Variants in SPAG17 observed in about 807,000 individuals in gnomAD.
SPAG17 encodes the protein sperm associated antigen 17.
SPAG17 carries 169 observed loss-of-function variants against 273.6 expected under a neutral mutation model. The observed-to-expected ratio is 0.62, with a 90% CI of 0.55 to 0.70. The LOEUF is 0.70. SPAG17 is among the 30% of genes least tolerant of loss of function. The pLI is 0.00. For synonymous variants in SPAG17, 825 were observed against 873.2 expected (o/e 0.94, Z 0.97); for missense variants, 2,557 against 2,627.8 (o/e 0.97, Z 0.59).
At chr1:118,122,170 T>C (rs1657462180) in intron 3 of SPAG17, among the ~76,000 whole-genome samples, 1 of 152,070 alleles carries the variant, frequency 6.6e-6, no homozygotes, top group Non-Finnish European at 1.5e-5. Context: ...TGTGTGTGTG[T>C]GTGTGTGTGT....
At chr1:118,005,377 C>G (rs765927018) in intron 32 of SPAG17, 37 bp downstream of exon 32, 7 of 1,518,848 alleles carry the variant, frequency 4.6e-6, no homozygotes, top group Non-Finnish European at 4.4e-6. Context: ...AAAAGCAAAG[C>G]CACAGGCTCT....
chr1:117,984,597 A>T (rs1656197596), intron 41 of SPAG17, 86 bp downstream of exon 41: 3 of 841,238 alleles, frequency 3.6e-6, no homozygotes, highest in Non-Finnish European at 5.7e-6. Context: ...AAACAGCATC[A>T]GGAAAGACAG....
At chr1:118,031,177 C>CTTTTTT (rs1015324627) in intron 25 of SPAG17, among the ~76,000 whole-genome samples, 10 of 54,912 alleles carry the variant, frequency 1.8e-4, no homozygotes, top group African/African-American at 3.2e-4. Flanking sequence ...GAGGACTACT[C>CTTTTTT]TTTTTTTTTT....
In SPAG17 at chr1:118,044,257, C is replaced by A. The variant is rs190650445; in HGVS notation, c.2815-2215G>T. On this transcript the variant is annotated intron_variant, in intron 20 of 48. Coordinates refer to ENST00000336338, the MANE Select transcript of SPAG17 (RefSeq NM_206996.4). ...AACTGTCCACTTTGGGAGGCCAAGG[C>A]GGGTGGATCACAAGGTCAGGAGTTC... Among the ~76,000 whole-genome samples, 211 of 152,146 alleles carry A rather than the reference C, an allele frequency of 1.4e-3. 5 individuals carry two copies. In the South Asian group the frequency reaches 0.025, roughly 18 times the overall value.
chr1:117,961,320 T>G (rs1170414351), intron 48 of SPAG17: 1 of 152,098 alleles, frequency 6.6e-6, no homozygotes, highest in African/African-American at 2.4e-5. Flanking sequence ...TGTATAACAG[T>G]GGAGCCAAGT....
chr1:118,152,637 C>T (rs1659449265), intron 1 of SPAG17, among the ~76,000 whole-genome samples: 1 of 152,078 alleles, frequency 6.6e-6, no homozygotes, highest in East Asian at 1.9e-4. Flanking sequence ...GTATATTTTA[C>T]TTGCAAAGTG....
chr1:117,956,634 GA>G (rs1294353102), intron 48 of SPAG17, among the ~76,000 whole-genome samples: 1 of 152,100 alleles, frequency 6.6e-6, no homozygotes, highest in Non-Finnish European at 1.5e-5. Context: ...GCTAGTTCTA[GA>G]GGGAACTATT....
chr1:118,083,813 AG>A (rs1377070011), intron 13 of SPAG17, among the ~76,000 whole-genome samples: 1 of 152,108 alleles, frequency 6.6e-6, no homozygotes, highest in Non-Finnish European at 1.5e-5. Context: ...CAGAGACAGC[AG>A]GGATGACTCC....
At chr1:118,083,523 G>A (rs1006127522) in intron 13 of SPAG17, among the ~76,000 whole-genome samples, 2 of 151,740 alleles carry the variant, frequency 1.3e-5, no homozygotes, top group East Asian at 1.9e-4. Context: ...GCGGTGGCTC[G>A]CTCCTGTAAT....
Position 118,136,619 on chromosome 1 carries a change from A to G in SPAG17, c.315+13924T>C, listed in dbSNP as rs567377198. Among the ~76,000 whole-genome samples, 21 of 152,246 alleles carry G rather than the reference A, an allele frequency of 1.4e-4. No homozygotes were observed. The East Asian group carries it at 3.5e-3, about 25-fold the overall frequency. On this transcript the variant is annotated intron_variant, in intron 3 of 48. Coordinates refer to ENST00000336338, the MANE Select transcript of SPAG17 (RefSeq NM_206996.4). The stretch of plus-strand genomic sequence containing the variant: ...CGGCAACTGCCTTCTCCACCTACAC[A>G]CAGGGCGGGCCTGCATGCATAAAAC...
At chr1:117,975,686 A>G (rs74114954) in intron 43 of SPAG17, among the ~76,000 whole-genome samples, 5,163 of 152,268 alleles carry the variant, frequency 0.034, 274 homozygotes, top group African/African-American at 0.12. Flanking sequence ...GTAAAGCCCT[A>G]TTCCTGACCA....
In SPAG17 at chr1:118,102,069, A is replaced by G. The variant is rs977505954; in HGVS notation, c.448-143T>C. 9 of 730,278 alleles carry G rather than the reference A, an allele frequency of 1.2e-5. No homozygotes were observed. The Admixed American group carries it at 2.6e-4, about 21-fold the overall frequency. 45.2% of individuals were successfully genotyped at this position (730,278 alleles called of 1,614,324 possible). ...AGGTATTCATTATATAAGTCAGCAT[A>G]GTGGAGATTCCAGCTTGAGACTAAG... On this transcript the variant is annotated intron_variant, in intron 4 of 48. Coordinates refer to ENST00000336338, the MANE Select transcript of SPAG17 (RefSeq NM_206996.4).
chr1:117,983,903 A>C lies in SPAG17; in HGVS notation c.5780T>G (p.Leu1927Arg). ...NQLYQSQYNH[L>R]DSLSKKLPSF... is the part of the protein sequence containing the mutation. ...AGGCAGTTTTTTGGAAAGACTGTCC[A>C]GGTGATTATACTGAAAGGAAAAAAA... Residue 1927 changes from leucine (L) to arginine (R), a missense_variant, in exon 42 of 49, where the codon CTG becomes CGG. Transcript: ENST00000336338. 6.2e-7 allele frequency: 1 copy of C among 1,604,936 alleles called. No homozygotes were observed. Among genetic ancestry groups the C allele is most frequent in the Non-Finnish European group, 8.5e-7 (1 of 1,173,064 alleles).
chr1:117,987,963 A>G, intron 39 of SPAG17, 82 bp from the exon 40 acceptor site: 2 of 1,506,096 alleles, frequency 1.3e-6, no homozygotes, highest in Non-Finnish European at 1.8e-6. Context: ...TCACCACTAT[A>G]TGATGAATTA....
chr1:118,026,627 T>C (rs1230599385), intron 26 of SPAG17, among the ~76,000 whole-genome samples: 1 of 152,132 alleles, frequency 6.6e-6, no homozygotes, highest in Non-Finnish European at 1.5e-5. Flanking sequence ...GATGAAGAAA[T>C]AGAGGCTTGG....
Position 117,954,028 on chromosome 1 carries a change from A to G in SPAG17, c.*22T>C. The G allele has an allele frequency of 1.9e-6, 3 of 1,612,042 alleles. No homozygotes were observed. Among genetic ancestry groups the G allele is most frequent in the South Asian group, 2.2e-5 (2 of 90,968 alleles). On this transcript the variant is annotated 3_prime_UTR_variant, in exon 49 of 49. Transcript: ENST00000336338. ...GTAGGCTGAGAGGATTATGGAGGCT[A>G]TTGAGTTGTACCGAGAAGAAACTGC...
At chr1:118,034,248 G>A (rs745891863) in intron 24 of SPAG17, among the ~76,000 whole-genome samples, 23 of 152,180 alleles carry the variant, frequency 1.5e-4, no homozygotes, top group African/African-American at 1.9e-4. Flanking sequence ...ATTAGAACCC[G>A]TCAGGTACAA....
At chr1:118,070,194 G>C (rs1405892413) in intron 17 of SPAG17, among the ~76,000 whole-genome samples, 1 of 152,102 alleles carries the variant, frequency 6.6e-6, no homozygotes, top group African/African-American at 2.4e-5. Flanking sequence ...TTAGAAGCTG[G>C]AAAGCAGAAG....
intron 18 of SPAG17, among the ~76,000 whole-genome samples, chr1:118,065,740 G>A (rs550595853): frequency 3.8e-4 from 58 of 151,928 alleles, no homozygotes; most frequent in African/African-American, 1.3e-3. Flanking sequence ...TCATTTAATT[G>A]ATATGACTTA....
Sources: allele counts gnomAD v4.1 joint callset (sites outside exome capture counted in the v4.1 genomes callset), GRCh38; gene constraint gnomAD v4.1.1; transcripts MANE v1.5; gene names NCBI Gene and HGNC (gene_info 2026-07-23, HGNC 2026-07-21).